The following PCDHGB2 variants were observed in gnomAD, a reference collection of about 807,000 sequenced individuals.
The protein encoded by PCDHGB2 is protocadherin gamma subfamily B, 2, also known as protocadherin gamma-B2.
In PCDHGB2, 55 loss-of-function variants were observed where a neutral mutation model predicts 59.3. The ratio of observed to expected loss-of-function variants is 0.93; its 90% confidence interval spans 0.75 to 1.16. The LOEUF is 1.16. Ranked by LOEUF, PCDHGB2 falls within the 50% of genes most tolerant of loss-of-function variation. The probability of loss-of-function intolerance (pLI) is 0.00; values close to 1 mark genes in which losing one functional copy is unlikely to be tolerated. For synonymous variants in PCDHGB2, 516 were observed against 512.0 expected, an observed-to-expected ratio of 1.01 and a Z score of -0.11; for missense variants, 1,228 against 1,198.5, an observed-to-expected ratio of 1.02 and a Z score of -0.36.
At position 141,485,044 on chromosome 5, in the gene PCDHGB2, G is replaced by A; in HGVS notation, c.2422-9763G>A. 2 of 737,674 alleles carry A rather than the reference G, an allele frequency of 2.7e-6. No individual in the cohort carries two copies. The highest frequency in any genetic ancestry group is 1.8e-5 in the African/African-American group (1 of 56,792). The allele number at this position is 737,674 out of a possible 1,614,324, so 45.7% of individuals were successfully genotyped here. A position where few individuals can be genotyped will look rare whatever the true frequency, so the allele number is the denominator to read the frequency against. ...GCAAAAACGGCGCGTAACCCTTGCG[G>A]CGCCGGCCGAACCGCGCCAGAGCTG... On this transcript the variant is annotated intron_variant, in intron 1 of 3. Coordinates refer to ENST00000522605, the MANE Select transcript of PCDHGB2 (RefSeq NM_018923.3). This position sits in a 1 kb window ranked among gnomAD's most constrained non-coding sequence, Gnocchi z 5.7.
At chr5:141,502,001 C>T (rs2099812274) in intron 2 of PCDHGB2, among the ~76,000 whole-genome samples, 2 of 152,106 alleles carry the variant, frequency 1.3e-5, no homozygotes, top group Admixed American at 1.3e-4. Flanking sequence ...CCCTGACAAC[C>T]CGCATGCTCT....
At position 141,432,349 on chromosome 5, in the gene PCDHGB2, G is replaced by T; in HGVS notation, c.2422-62458G>T. On this transcript the variant is annotated intron_variant, in intron 1 of 3. Transcript: ENST00000522605. This position sits in a 1 kb window ranked among gnomAD's most constrained non-coding sequence, Gnocchi z 6.0. Reference sequence around the variant, plus strand: ...ACGAGCAGTTCCGAGACTTGCAAGTGAAAGTGATGGCGCGGGACAACGGGC... The same window carrying T: ...ACGAGCAGTTCCGAGACTTGCAAGTTAAAGTGATGGCGCGGGACAACGGGC... 4 of 1,614,240 alleles carry T rather than the reference G, an allele frequency of 2.5e-6. No homozygotes were observed. Among genetic ancestry groups the T allele is most frequent in the Non-Finnish European group, 1.7e-6 (2 of 1,180,046 alleles).
At chr5:141,391,839 T>G (rs995589062) in intron 1 of PCDHGB2, 1 of 152,244 alleles carries the variant, frequency 6.6e-6, no homozygotes, top group Non-Finnish European at 1.5e-5. Context: ...AGAATATATG[T>G]AAAAGTCAAG....
chr5:141,399,605 A>G, intron 1 of PCDHGB2: 1 of 1,613,968 alleles, frequency 6.2e-7, no homozygotes, highest in Non-Finnish European at 8.5e-7. Context: ...AGCGACCTAG[A>G]GCCTCTGGCA....
chr5:141,458,409 G>C (rs188300064), intron 1 of PCDHGB2, among the ~76,000 whole-genome samples: 1 of 152,244 alleles, frequency 6.6e-6, no homozygotes, highest in African/African-American at 2.4e-5. Context: ...GAGACGGAGC[G>C]GGGGTTCCAA....
chr5:141,472,979 T>TAAAA (rs2099307936), intron 1 of PCDHGB2, among the ~76,000 whole-genome samples: 1 of 21,094 alleles, frequency 4.7e-5, no homozygotes, highest in Non-Finnish European at 9.8e-5. Context: ...AGAGTGAAAC[T>TAAAA]CAAAAAAAAA....
chr5:141,460,346 ATTTTC>A (rs1049715417), intron 1 of PCDHGB2, among the ~76,000 whole-genome samples: 6 of 151,964 alleles, frequency 3.9e-5, no homozygotes, highest in Non-Finnish European at 8.8e-5. Flanking sequence ...TTTCTCCTAT[ATTTTC>A]TTTTAGAAGT....
chr5:141,389,478 G>C (rs764977787), intron 1 of PCDHGB2: 1 of 1,613,150 alleles, frequency 6.2e-7, no homozygotes, highest in Non-Finnish European at 8.5e-7. Context: ...CACACTGCAG[G>C]CCCGCGACCA....
intron 1 of PCDHGB2, among the ~76,000 whole-genome samples, chr5:141,484,419 A>G (rs978469951): frequency 1.3e-5 from 2 of 152,206 alleles, no homozygotes; most frequent in Non-Finnish European, 2.9e-5. Flanking sequence ...TCCTGTTACA[A>G]TGAGAACATG....
intron 1 of PCDHGB2, chr5:141,422,216 C>T (rs1241784107): frequency 6.4e-7 from 1 of 1,563,862 alleles, no homozygotes; most frequent in African/African-American, 1.4e-5. Flanking sequence ...GGTCTCTTTA[C>T]CACCACGACG....
In PCDHGB2 at chr5:141,375,771, T is replaced by C. The variant is rs570278414; in HGVS notation, c.2421+13215T>C. ...CAGAATGACAATGCGCCCGAGATCC[T>C]GTACCCCGCCCTCCCCACAGACGGT... On this transcript the variant is annotated intron_variant, in intron 1 of 3. Transcript: ENST00000522605. 16 of 1,614,130 alleles carry C rather than the reference T, an allele frequency of 9.9e-6. No individual in the cohort carries two copies. Among genetic ancestry groups the C allele is most frequent in the Middle Eastern group, 1.6e-4 (1 of 6,084 alleles).
intron 1 of PCDHGB2, chr5:141,372,520 T>G (rs371229591): frequency 3.7e-6 from 6 of 1,613,950 alleles, no homozygotes; most frequent in Non-Finnish European, 5.1e-6. Flanking sequence ...GCGGTGATTC[T>G]GGCAATCTCC....
chr5:141,508,627 C>T (rs566012494), intron 3 of PCDHGB2, among the ~76,000 whole-genome samples: 1 of 152,262 alleles, frequency 6.6e-6, no homozygotes, highest in South Asian at 2.1e-4. Flanking sequence ...GTGGGCCGAG[C>T]TTCTAGCTAC....
In PCDHGB2 at chr5:141,372,412, C is replaced by T. The variant is rs776836110; in HGVS notation, c.2421+9856C>T. On this transcript the variant is annotated intron_variant, in intron 1 of 3. Coordinates refer to ENST00000522605, the MANE Select transcript of PCDHGB2 (RefSeq NM_018923.3). ...GCAGATAGCTTGCAAGAGATACAAC[C>T]TGACCTTAGCGACCGCCCCACTCCC... is the stretch of plus-strand genomic sequence containing the variant. 3.7e-6 allele frequency: 6 copies of T among 1,613,964 alleles called. No homozygotes were observed. Among genetic ancestry groups the T allele is most frequent in the Non-Finnish European group, 5.1e-6 (6 of 1,179,912 alleles).
In PCDHGB2 at chr5:141,394,790, G is replaced by A. The variant is rs776824024; in HGVS notation, c.2421+32234G>A. The A allele has an allele frequency of 2.4e-5, 39 of 1,613,718 alleles. No homozygotes were observed. The African/African-American group carries it at 3.2e-4, about 13-fold the overall frequency. ...AGCCCCCTCTCTCCGCCACTGTCAC[G>A]CTCACCGTAGCCGTGGCTGACAGCA... On this transcript the variant is annotated intron_variant, in intron 1 of 3. Transcript: ENST00000522605.
chr5:141,459,068 A>G (rs1278498678), intron 1 of PCDHGB2, among the ~76,000 whole-genome samples: 1 of 152,226 alleles, frequency 6.6e-6, no homozygotes, highest in African/African-American at 2.4e-5. Flanking sequence ...TATATAACAT[A>G]AAATTTGCCT....
chr5:141,383,899 C>G (rs560928380), intron 1 of PCDHGB2: 10 of 1,613,958 alleles, frequency 6.2e-6, no homozygotes, highest in South Asian at 1.1e-5. Context: ...GGCAAAAGTA[C>G]TGATCACAGT....
chr5:141,432,061 G>T lies in PCDHGB2; in HGVS notation c.2422-62746G>T. On this transcript the variant is annotated intron_variant, in intron 1 of 3. Coordinates refer to ENST00000522605, the MANE Select transcript of PCDHGB2 (RefSeq NM_018923.3). The surrounding 1 kb of genome is among the most constrained non-coding windows in gnomAD (Gnocchi z 6.0). ...ACCGGGGAACCCCGCCCCTATCCAC[G>T]GAAACTCATATCTCGCTGAACGTGG... 1.9e-6 allele frequency: 3 copies of T among 1,614,130 alleles called. No homozygotes were observed. The highest frequency in any genetic ancestry group is 2.5e-6 in the Non-Finnish European group (3 of 1,180,034).
chr5:141,480,429 T>C (rs72790066), intron 1 of PCDHGB2, among the ~76,000 whole-genome samples: 4 of 151,864 alleles, frequency 2.6e-5, no homozygotes, highest in African/African-American at 9.7e-5. Flanking sequence ...AAAAAAATTA[T>C]CAGCTATTAC....
Sources: allele counts gnomAD v4.1 joint callset (sites outside exome capture counted in the v4.1 genomes callset), GRCh38; gene constraint gnomAD v4.1.1; non-coding constraint Gnocchi (gnomAD v3.1); transcripts MANE v1.5; gene names NCBI Gene and HGNC (gene_info 2026-07-23, HGNC 2026-07-21).